The following NHS variants were observed in gnomAD, a reference collection of about 807,000 sequenced individuals.
NHS encodes NHS actin remodeling regulator.
Under a neutral mutation model 72.5 loss-of-function variants are expected in NHS, and 5 were observed. The observed-to-expected ratio is 0.07, with a 90% CI of 0.04 to 0.14. The LOEUF (loss-of-function observed/expected upper bound fraction) is 0.14. NHS is among the 10% of genes least tolerant of loss of function. The probability of loss-of-function intolerance (pLI) is 1.00; values close to 1 mark genes in which losing one functional copy is unlikely to be tolerated. For missense variants in NHS, 1,072 were observed against 1,355.7 expected (o/e 0.79, Z 3.29); for synonymous variants, 464 against 547.7 (o/e 0.85, Z 2.13).
At chrX:17,480,225 A>G (rs1035622144) in intron 1 of NHS, among the ~76,000 whole-genome samples, 1 of 111,952 alleles carries the variant, frequency 8.9e-6, no homozygotes. Flanking sequence ...TATAGATTCA[A>G]TGCTATCCCC....
chrX:17,703,815 A>AT (rs1223942046), intron 3 of NHS, among the ~76,000 whole-genome samples: 3 of 112,193 alleles, frequency 2.7e-5, no homozygotes, highest in African/African-American at 9.7e-5. Flanking sequence ...TCCAGTGCAC[A>AT]TAACATTGAG....
intron 5 of NHS, among the ~76,000 whole-genome samples, chrX:17,722,085 A>G (rs184385000): frequency 8.9e-6 from 1 of 112,125 alleles, no homozygotes; most frequent in African/African-American, 3.2e-5. Context: ...AGACTTCTGT[A>G]TTGATTTGGG....
At chrX:17,586,750 G>A (rs1325207218) in intron 1 of NHS, 4 of 112,111 alleles carry the variant, frequency 3.6e-5, no homozygotes, top group Non-Finnish European at 7.5e-5. Context: ...GCAAAGGACT[G>A]CTGGCTGAAG....
intron 1 of NHS, among the ~76,000 whole-genome samples, chrX:17,596,934 A>G (rs751294499): frequency 9.0e-6 from 1 of 110,711 alleles, no homozygotes; most frequent in Non-Finnish European, 1.9e-5. Context: ...AGTGTGGAGG[A>G]TAGCGTGGAG....
At chrX:17,530,689 C>T (rs1180479672) in intron 1 of NHS, among the ~76,000 whole-genome samples, 1 of 112,310 alleles carries the variant, frequency 8.9e-6, no homozygotes, top group Non-Finnish European at 1.9e-5. Flanking sequence ...TTTGTTTCAA[C>T]AATCCTATTA....
intron 1 of NHS, among the ~76,000 whole-genome samples, chrX:17,516,748 A>G (rs1041509103): frequency 7.4e-5 from 8 of 107,935 alleles, no homozygotes; most frequent in African/African-American, 2.7e-4. Flanking sequence ...CATACTGCCA[A>G]CTTGGCCCCA....
chrX:17,706,132 C>T, intron 3 of NHS, among the ~76,000 whole-genome samples: 1 of 111,225 alleles, frequency 9.0e-6, no homozygotes, highest in Non-Finnish European at 1.9e-5. Context: ...GTCGAGGCTA[C>T]AGTGAGCCAT....
At chrX:17,393,903 C>CA (rs2064458866) in intron 1 of NHS, among the ~76,000 whole-genome samples, 1 of 111,502 alleles carries the variant, frequency 9.0e-6, no homozygotes, top group Non-Finnish European at 1.9e-5. Flanking sequence ...AGGCCTCAAG[C>CA]AAATTCTAAA....
intron 1 of NHS, among the ~76,000 whole-genome samples, chrX:17,466,282 A>G (rs989946702): frequency 4.4e-5 from 5 of 112,454 alleles, no homozygotes; most frequent in Non-Finnish European, 9.4e-5. Context: ...GAAAAATCCA[A>G]TTTGTTGTTC....
At chrX:17,561,695 G>T (rs1214770063) in intron 1 of NHS, among the ~76,000 whole-genome samples, 1 of 104,989 alleles carries the variant, frequency 9.5e-6, no homozygotes, top group African/African-American at 3.5e-5. Flanking sequence ...CCACTGCTTG[G>T]TGCCCACTTT....
chrX:17,432,312 G>T (rs1337136656), intron 1 of NHS, among the ~76,000 whole-genome samples: 1 of 112,682 alleles, frequency 8.9e-6, no homozygotes. Context: ...ACTCATGGCT[G>T]TTGGCCCTGC....
At chrX:17,724,521 C>T in intron 6 of NHS, 91 bp downstream of exon 6, 1 of 1,116,443 alleles carries the variant, frequency 9.0e-7, no homozygotes, top group Non-Finnish European at 1.2e-6. Context: ...AACATTTTAA[C>T]TTGTAGAGGT....
At chrX:17,436,074 C>A (rs2064720221) in intron 1 of NHS, among the ~76,000 whole-genome samples, 1 of 112,144 alleles carries the variant, frequency 8.9e-6, no homozygotes, top group Admixed American at 9.4e-5. Context: ...AGCATGAAAC[C>A]AGTGCCTTAA....
At chrX:17,523,116 A>T (rs749396919) in intron 1 of NHS, among the ~76,000 whole-genome samples, 55 of 112,462 alleles carry the variant, frequency 4.9e-4, no homozygotes, top group African/African-American at 1.7e-3. Flanking sequence ...TTCTGTCGCT[A>T]AGTATCATGA....
chrX:17,378,942 G>C (rs2064361239), intron 1 of NHS, among the ~76,000 whole-genome samples: 1 of 111,744 alleles, frequency 8.9e-6, no homozygotes, highest in Non-Finnish European at 1.9e-5. Flanking sequence ...AGGTCCTCTG[G>C]GGAGGGCAAA....
intron 1 of NHS, among the ~76,000 whole-genome samples, chrX:17,633,100 C>T (rs1326159211): frequency 6.3e-5 from 7 of 110,522 alleles, no homozygotes; most frequent in Non-Finnish European, 1.1e-4. Flanking sequence ...TTAGCGGGGG[C>T]GTTGCCCAAT....
chrX:17,388,780 A>G (rs1054736825), intron 1 of NHS, among the ~76,000 whole-genome samples: 9 of 110,223 alleles, frequency 8.2e-5, no homozygotes, highest in African/African-American at 3.0e-4. Flanking sequence ...CACTTTGGGT[A>G]TTGTGGCAAG....
At chrX:17,565,055 C>T (rs2065436107) in intron 1 of NHS, among the ~76,000 whole-genome samples, 1 of 103,357 alleles carries the variant, frequency 9.7e-6, no homozygotes. Flanking sequence ...TCTGGGCTGA[C>T]TTTGTGACTT....
At position 17,538,826 on chromosome X, in the gene NHS, G is replaced by A. The variant is rs772043216; in HGVS notation, c.566-148916G>A. Reference sequence around the variant, plus strand: ...GCTTTTCTTTGCTCTTAAGTGGGGCGTACACTTCTCTTCTTCCTGGGAGCG... The same window carrying A: ...GCTTTTCTTTGCTCTTAAGTGGGGCATACACTTCTCTTCTTCCTGGGAGCG... On this transcript the variant is annotated intron_variant, in intron 1 of 8. Transcript: ENST00000676302. Among the ~76,000 whole-genome samples, 188 of 112,085 alleles carry A rather than the reference G, an allele frequency of 1.7e-3. 3 individuals carry two copies. Among genetic ancestry groups the A allele is most frequent in the Non-Finnish European group, 2.7e-3 (143 of 53,133 alleles).
Sources: allele counts gnomAD v4.1 joint callset (sites outside exome capture counted in the v4.1 genomes callset), GRCh38; gene constraint gnomAD v4.1.1; transcripts MANE v1.5; gene names NCBI Gene and HGNC (gene_info 2026-07-23, HGNC 2026-07-21).